PAX5: variants seen among roughly 807,000 people sequenced by gnomAD.
PAX5 encodes the protein paired box 5.
PAX5 carries 9 observed loss-of-function variants against 43.7 expected under a neutral mutation model. The observed-to-expected ratio is 0.21, with a 90% CI of 0.12 to 0.36. The LOEUF is 0.36. Ranked by LOEUF, PAX5 falls within the 10% of genes least tolerant of loss-of-function variation. The probability of loss-of-function intolerance (pLI) is 1.00; values close to 1 mark genes in which losing one functional copy is unlikely to be tolerated. For synonymous variants in PAX5, 228 were observed against 214.3 expected (o/e 1.06, Z -0.56); for missense variants, 383 against 532.7 (o/e 0.72, Z 2.77).
chr9:37,033,287 C>T (rs1052178577), intron 1 of PAX5, among the ~76,000 whole-genome samples: 9 of 152,176 alleles, frequency 5.9e-5, no homozygotes, highest in African/African-American at 1.9e-4. Flanking sequence ...TGCTAAACAC[C>T]ACGGATCTCC....
chr9:36,924,781 A>AAGGGAGAG (rs1563973518), intron 6 of PAX5, among the ~76,000 whole-genome samples: 109 of 14,192 alleles, frequency 7.7e-3, no homozygotes, highest in African/African-American at 0.027. Flanking sequence ...GGAAGGAAGG[A>AAGGGAGAG]AAAGAGAAAG....
chr9:37,012,419 C>T (rs1055869670), intron 3 of PAX5, among the ~76,000 whole-genome samples: 3 of 152,278 alleles, frequency 2.0e-5, no homozygotes, highest in African/African-American at 4.8e-5. Flanking sequence ...AGAGTCAAGC[C>T]TTAAGGACTA....
chr9:36,978,821 T>TG (rs1376533303), intron 5 of PAX5, among the ~76,000 whole-genome samples: 3 of 152,216 alleles, frequency 2.0e-5, no homozygotes, highest in African/African-American at 7.2e-5. Context: ...ATGGGGCTGA[T>TG]GGAGTCCCTG....
intron 7 of PAX5, among the ~76,000 whole-genome samples, chr9:36,916,069 A>T (rs1829710005): frequency 1.3e-5 from 2 of 152,114 alleles, no homozygotes; most frequent in South Asian, 4.2e-4. Flanking sequence ...AAAAAAAAAA[A>T]AATCCCTTGA....
Position 37,034,173 on chromosome 9 carries a change from C to T in PAX5, c.-142G>A. ...GTCGGAATAATTCAAGCCTTCCGCTCCCCCGCCGAGCTGGGGTAGCTGATC... is the reference window on the plus strand; with the variant it reads ...GTCGGAATAATTCAAGCCTTCCGCTTCCCCGCCGAGCTGGGGTAGCTGATC... On this transcript the variant is annotated 5_prime_UTR_variant, in exon 1 of 10. Transcript: ENST00000358127. 1.6e-6 allele frequency: 1 copy of T among 614,056 alleles called. No homozygotes were observed. The highest frequency in any genetic ancestry group is 2.8e-6 in the Non-Finnish European group (1 of 356,176). The allele number at this position is 614,056 out of a possible 1,614,324, so 38.0% of individuals were successfully genotyped here.
chr9:37,006,660 G>T, intron 3 of PAX5, 123 bp from the exon 4 acceptor site: 1 of 763,360 alleles, frequency 1.3e-6, no homozygotes. Context: ...AGCTGAGGCA[G>T]AGGGGCAGAG....
At chr9:36,939,249 T>C (rs993377190) in intron 6 of PAX5, among the ~76,000 whole-genome samples, 2 of 152,208 alleles carry the variant, frequency 1.3e-5, no homozygotes, top group African/African-American at 4.8e-5. Context: ...ATGAAATATG[T>C]GTGGGTTTTA....
At chr9:36,952,502 A>G (rs1204275957) in intron 6 of PAX5, among the ~76,000 whole-genome samples, 6 of 152,086 alleles carry the variant, frequency 3.9e-5, no homozygotes, top group Admixed American at 3.9e-4. Flanking sequence ...TTGGATTCAT[A>G]TCTACTACGT....
At chr9:37,009,868 C>A (rs1232463287) in intron 3 of PAX5, among the ~76,000 whole-genome samples, 1 of 152,016 alleles carries the variant, frequency 6.6e-6, no homozygotes, top group Non-Finnish European at 1.5e-5. Flanking sequence ...ACAAGTGGCC[C>A]CCTTGGAAGC....
At chr9:36,884,055 T>C (rs1247616152) in intron 7 of PAX5, among the ~76,000 whole-genome samples, 1 of 152,250 alleles carries the variant, frequency 6.6e-6, no homozygotes, top group African/African-American at 2.4e-5. Context: ...TTGTTATTCT[T>C]TTTGGCAAGT....
chr9:37,003,912 A>C (rs1019504603), intron 4 of PAX5, among the ~76,000 whole-genome samples: 1 of 152,258 alleles, frequency 6.6e-6, no homozygotes, highest in Non-Finnish European at 1.5e-5. Context: ...CCCTATAACT[A>C]ATCTGCTTCG....
chr9:37,020,509 T>G, intron 2 of PAX5, 127 bp downstream of exon 2: 2 of 964,644 alleles, frequency 2.1e-6, no homozygotes, highest in Non-Finnish European at 1.6e-6. Context: ...GACTTTAAAG[T>G]GCTCTGCGTG....
chr9:37,013,615 C>T (rs1839152211), intron 3 of PAX5, among the ~76,000 whole-genome samples: 2 of 152,224 alleles, frequency 1.3e-5, no homozygotes, highest in South Asian at 4.2e-4. Context: ...GAGTTATCCC[C>T]TCCTCCCCAA....
chr9:36,928,532 C>T (rs1287571943), intron 6 of PAX5, among the ~76,000 whole-genome samples: 2 of 152,190 alleles, frequency 1.3e-5, no homozygotes, highest in Non-Finnish European at 2.9e-5. Flanking sequence ...CATGGAACAT[C>T]CTTAGTGCCC....
At chr9:37,009,331 T>G (rs1351967132) in intron 3 of PAX5, among the ~76,000 whole-genome samples, 1 of 152,182 alleles carries the variant, frequency 6.6e-6, no homozygotes, top group East Asian at 1.9e-4. Context: ...TGCCTCAGTC[T>G]CTTCATCTGC....
chr9:36,966,253 C>T (rs1043359254), intron 6 of PAX5, among the ~76,000 whole-genome samples: 5 of 152,182 alleles, frequency 3.3e-5, no homozygotes, highest in Non-Finnish European at 5.9e-5. Context: ...ATCATTACAC[C>T]CTTCTGTCCA....
At chr9:36,955,034 A>AC (rs113564592) in intron 6 of PAX5, among the ~76,000 whole-genome samples, 15,920 of 152,144 alleles carry the variant, frequency 0.1, 1,080 homozygotes, top group African/African-American at 0.19. Flanking sequence ...ATTAATTCTC[A>AC]CATCATAATT....
chr9:37,010,600 T>C (rs1011037869), intron 3 of PAX5, among the ~76,000 whole-genome samples: 1 of 152,120 alleles, frequency 6.6e-6, no homozygotes, highest in African/African-American at 2.4e-5. Context: ...AGGCTAGGCT[T>C]CTCACCATCA....
intron 5 of PAX5, among the ~76,000 whole-genome samples, chr9:36,989,131 G>A (rs140513450): frequency 3.5e-4 from 54 of 152,318 alleles, no homozygotes; most frequent in African/African-American, 6.3e-4. Flanking sequence ...CAGAAATGGC[G>A]TACCCCTGAG....
Sources: allele counts gnomAD v4.1 joint callset (sites outside exome capture counted in the v4.1 genomes callset), GRCh38; gene constraint gnomAD v4.1.1; transcripts MANE v1.5; gene names NCBI Gene and HGNC (gene_info 2026-07-23, HGNC 2026-07-21).